TTC39B: variants seen among roughly 807,000 people sequenced by gnomAD.
TTC39B encodes the protein tetratricopeptide repeat domain 39B, also known as tetratricopeptide repeat protein 39B.
A neutral mutation model predicts 96.6 loss-of-function variants in TTC39B; 92 were observed. The ratio of observed to expected loss-of-function variants is 0.95; its 90% confidence interval spans 0.80 to 1.13. The LOEUF (loss-of-function observed/expected upper bound fraction) is 1.13. TTC39B is among the 50% of genes most tolerant of loss of function. The pLI is 0.00. For missense variants in TTC39B, 955 were observed against 809.3 expected (o/e 1.18, Z -2.18); for synonymous variants, 367 against 299.4 (o/e 1.23, Z -2.33).
intron 7 of TTC39B, 131 bp downstream of exon 7, chr9:15,203,691 GA>G: frequency 1.5e-6 from 1 of 667,264 alleles, no homozygotes; most frequent in Non-Finnish European, 2.4e-6. Flanking sequence ...AAGTTTATCA[GA>G]ATAACAAATA....
chr9:15,187,818 T>C (rs1258229919), intron 14 of TTC39B, among the ~76,000 whole-genome samples, 153 bp downstream of exon 14: 1 of 152,204 alleles, frequency 6.6e-6, no homozygotes, highest in East Asian at 1.9e-4. Context: ...TACCTATAAA[T>C]AGTGGGTACT....
At chr9:15,233,769 G>A (rs890564833) in intron 2 of TTC39B, among the ~76,000 whole-genome samples, 6 of 152,004 alleles carry the variant, frequency 3.9e-5, no homozygotes, top group African/African-American at 1.2e-4. Flanking sequence ...GCCTCTGCCC[G>A]GCCGCCACCC....
At chr9:15,175,733 T>C (rs1330612436) in intron 18 of TTC39B, among the ~76,000 whole-genome samples, 1 of 152,074 alleles carries the variant, frequency 6.6e-6, no homozygotes, top group Non-Finnish European at 1.5e-5. Context: ...AAAGTGAGAC[T>C]CTACATATGT....
At chr9:15,283,435 G>C (rs562177) in intron 1 of TTC39B, among the ~76,000 whole-genome samples, 114,096 of 152,096 alleles carry the variant, frequency 0.75, 43,268 homozygotes, top group East Asian at 0.92. Flanking sequence ...TGACATTTCT[G>C]TAAAACAGGT....
intron 7 of TTC39B, among the ~76,000 whole-genome samples, chr9:15,202,159 A>G (rs1400276515): frequency 1.3e-5 from 2 of 152,170 alleles, no homozygotes; most frequent in Non-Finnish European, 2.9e-5. Flanking sequence ...TTAATTTCAA[A>G]TCCCCAAATA....
At chr9:15,211,188 C>A (rs2131348608) in intron 5 of TTC39B, 78 bp downstream of exon 5, 1 of 1,372,870 alleles carries the variant, frequency 7.3e-7, no homozygotes, top group South Asian at 1.9e-5. Context: ...AGCTTTTGGT[C>A]AGGCAAATGA....
chr9:15,249,845 A>C (rs1414324042), intron 2 of TTC39B: 12 of 1,087,984 alleles, frequency 1.1e-5, no homozygotes, highest in Non-Finnish European at 1.4e-5. Flanking sequence ...TCCTTAAATT[A>C]AACCCTCATA....
At position 15,265,844 on chromosome 9, in the gene TTC39B, A is replaced by G. The variant is rs117344301; in HGVS notation, c.275+2070T>C. 4.3e-4 allele frequency among the ~76,000 whole-genome samples: 66 copies of G among 152,282 alleles called. 1 individual carries two copies. The East Asian group carries it at 0.012, about 27-fold the overall frequency. On this transcript the variant is annotated intron_variant, in intron 2 of 19. Coordinates refer to ENST00000512701, the Ensembl canonical transcript of TTC39B. ...CCACAGTCAAATCATGAGGGGGGAA[A>G]AACAGACCAATCTCAATTAAGGGCC...
chr9:15,274,685 T>C (rs1823475439), intron 1 of TTC39B, among the ~76,000 whole-genome samples: 1 of 152,156 alleles, frequency 6.6e-6, no homozygotes, highest in Non-Finnish European at 1.5e-5. Context: ...GAACAAAACA[T>C]GACCTTCTCA....
chr9:15,289,736 T>G (rs1824114013), intron 1 of TTC39B, among the ~76,000 whole-genome samples: 1 of 152,226 alleles, frequency 6.6e-6, no homozygotes, highest in African/African-American at 2.4e-5. Flanking sequence ...TTTTGTTCAC[T>G]CGTAATGGCT....
chr9:15,252,127 G>A (rs1346854174), intron 2 of TTC39B, among the ~76,000 whole-genome samples: 1 of 152,178 alleles, frequency 6.6e-6, no homozygotes. Flanking sequence ...GGAAGGAAAA[G>A]AGAACTGCAA....
intron 1 of TTC39B, among the ~76,000 whole-genome samples, chr9:15,281,422 A>T (rs1391078194): frequency 6.6e-6 from 1 of 152,090 alleles, no homozygotes; most frequent in African/African-American, 2.4e-5. Flanking sequence ...TGTGTGTCCA[A>T]ATACTGGACC....
intron 1 of TTC39B, among the ~76,000 whole-genome samples, chr9:15,285,664 C>G (rs987629616): frequency 6.6e-6 from 1 of 152,152 alleles, no homozygotes; most frequent in Non-Finnish European, 1.5e-5. Flanking sequence ...ACCATCCTGG[C>G]TAACACGATG....
intron 1 of TTC39B, among the ~76,000 whole-genome samples, chr9:15,270,165 A>G (rs146075756): frequency 0.026 from 3,932 of 151,842 alleles, 176 homozygotes; most frequent in African/African-American, 0.09. Context: ...GCAAGACTCC[A>G]TCTCAAGGAA....
chr9:15,201,246 C>T (rs1262957033), intron 7 of TTC39B, among the ~76,000 whole-genome samples: 1 of 150,850 alleles, frequency 6.6e-6, no homozygotes, highest in Non-Finnish European at 1.5e-5. Flanking sequence ...CTTAAATTAG[C>T]TTGAAATATA....
At chr9:15,204,962 C>T (rs1303102597) in intron 6 of TTC39B, among the ~76,000 whole-genome samples, 1 of 152,188 alleles carries the variant, frequency 6.6e-6, no homozygotes, top group Non-Finnish European at 1.5e-5. Flanking sequence ...ATACACAAGT[C>T]AGCAGATTCT....
chr9:15,277,745 T>A (rs778033055), intron 1 of TTC39B, among the ~76,000 whole-genome samples: 2 of 152,226 alleles, frequency 1.3e-5, no homozygotes, highest in Non-Finnish European at 2.9e-5. Context: ...CAAGACAGTG[T>A]TCGCCCATCA....
chr9:15,269,828 C>G (rs1343658077), intron 1 of TTC39B, among the ~76,000 whole-genome samples: 1 of 150,604 alleles, frequency 6.6e-6, no homozygotes, highest in Non-Finnish European at 1.5e-5. Context: ...GCACTCCATC[C>G]TGTGTGACAG....
chr9:15,214,231 C>T (rs1820371462), exon 4 of TTC39B: 1 of 1,613,536 alleles, frequency 6.2e-7, no homozygotes, highest in African/African-American at 1.3e-5. Context: ...TCTTGAGATC[C>T]ACCTTGGTTG....
Sources: gnomAD v4.1 joint callset for allele counts (sites outside exome capture counted in the v4.1 genomes callset) on GRCh38, gnomAD v4.1.1 for gene constraint, MANE v1.5 for transcripts, NCBI Gene and HGNC (gene_info 2026-07-23, HGNC 2026-07-21) for gene names.